The following MKNK1 variants were observed in gnomAD, a reference collection of about 807,000 sequenced individuals.
MKNK1 encodes MAP kinase-interacting serine/threonine-protein kinase 1.
In MKNK1, 30 loss-of-function variants were observed where a neutral mutation model predicts 49.3. The ratio of observed to expected loss-of-function variants is 0.61; its 90% CI spans 0.46 to 0.83. The LOEUF (loss-of-function observed/expected upper bound fraction) is 0.83. Among genes scored for constraint, MKNK1 ranks in the 40% least tolerant of loss-of-function variants. MKNK1 has a pLI of 0.00. For missense variants in MKNK1, 423 were observed against 524.7 expected (o/e 0.81, Z 1.89); for synonymous variants, 176 against 201.7 (o/e 0.87, Z 1.08).
At chr1:46,601,891 C>T (rs1674776588) in intron 1 of MKNK1, among the ~76,000 whole-genome samples, 3 of 152,124 alleles carry the variant, frequency 2.0e-5, no homozygotes, top group Non-Finnish European at 4.4e-5. Context: ...ATGGAGTGTA[C>T]ATATCCCTAG....
At chr1:46,588,197 T>C (rs1482774235) in intron 2 of MKNK1, among the ~76,000 whole-genome samples, 1 of 152,228 alleles carries the variant, frequency 6.6e-6, no homozygotes, top group Non-Finnish European at 1.5e-5. Flanking sequence ...CCATAAGAGT[T>C]TTCTCTATGT....
chr1:46,565,227 G>A lies in MKNK1; in HGVS notation c.514-91C>T, dbSNP rs577928990. 123 of 1,162,318 alleles carry A rather than the reference G, an allele frequency of 1.1e-4. 1 individual carries two copies. In the East Asian group the frequency reaches 2.7e-3, roughly 26 times the overall value. The allele number at this position is 1,162,318 out of a possible 1,614,324, so 72.0% of individuals were successfully genotyped here. ...TGGCTGTACGGGTGCATGGCTCCGT[G>A]GCTGTCACACCGCAGCTGGTTTTGT... is the stretch of plus-strand genomic sequence containing the variant. On this transcript the variant is annotated intron_variant, in intron 8 of 12. Transcript: ENST00000371945.
chr1:46,560,957 T>C (rs1557821067), intron 11 of MKNK1, among the ~76,000 whole-genome samples: 1 of 152,144 alleles, frequency 6.6e-6, no homozygotes, highest in Non-Finnish European at 1.5e-5. Context: ...GTATTGTGAG[T>C]AGCCAAGGAG....
chr1:46,603,684 T>A (rs901879215), intron 1 of MKNK1, among the ~76,000 whole-genome samples: 2 of 152,220 alleles, frequency 1.3e-5, no homozygotes, highest in Non-Finnish European at 1.5e-5. Flanking sequence ...GCCTCTGATC[T>A]GCCACTGTCA....
intron 3 of MKNK1, chr1:46,582,903 T>C (rs1671954700): frequency 1.9e-6 from 1 of 519,318 alleles, no homozygotes; most frequent in Non-Finnish European, 3.7e-6. Context: ...CCTCCAGGAA[T>C]AGCTGAGGGA....
chr1:46,579,606 C>A (rs1671459663), intron 4 of MKNK1, among the ~76,000 whole-genome samples: 1 of 152,146 alleles, frequency 6.6e-6, no homozygotes, highest in African/African-American at 2.4e-5. Flanking sequence ...ATTGCTGGGC[C>A]CACCCCTGTT....
chr1:46,564,623 C>T (rs2476166), intron 9 of MKNK1, among the ~76,000 whole-genome samples: 22,159 of 151,480 alleles, frequency 0.15, 4,456 homozygotes, highest in African/African-American at 0.46. Context: ...ATTACAGGTG[C>T]GCGCCACCAT....
chr1:46,588,219 T>C (rs1672854204), intron 2 of MKNK1, among the ~76,000 whole-genome samples: 1 of 152,182 alleles, frequency 6.6e-6, no homozygotes, highest in South Asian at 2.1e-4. Context: ...ATGGGGTGAT[T>C]TTTATTTTCT....
In MKNK1 at chr1:46,562,778, G is replaced by A. The variant is rs55739233; in HGVS notation, c.675C>T (p.Tyr225=). Residue 225 remains tyrosine, a synonymous_variant, in exon 10 of 13, where the codon TAC becomes TAT. Coordinates refer to ENST00000371945, the MANE Select transcript of MKNK1 (RefSeq NM_001135553.4). ...GGCTCCACAGGTCACAGCGCTTGTC[G>A]TAGAATGTGGCCTGGTCCGTGAAGA... ...VEVFTDQATF[Y]DKRCDLWSLG... is the part of the protein sequence containing the mutation. 1.5e-3 allele frequency: 2,488 copies of A among 1,612,116 alleles called. 3 individuals carry two copies. The highest frequency in any genetic ancestry group is 1.9e-3 in the Non-Finnish European group (2,298 of 1,179,096).
intron 8 of MKNK1, 124 bp downstream of exon 8, chr1:46,568,319 G>T: frequency 1.2e-6 from 1 of 840,990 alleles, no homozygotes; most frequent in Non-Finnish European, 2.0e-6. Flanking sequence ...ATTCTCACAT[G>T]TCCAAGACGA....
rs2148733082 is a variant in MKNK1, at chr1:46,589,062, C to T, written c.-3+5051G>A. ...GAAGTGAAAGCACCACTGACTTACT[C>T]TTCAATAATGCTATATTTATTGGGC... On this transcript the variant is annotated intron_variant, in intron 2 of 12. Transcript: ENST00000371945. The surrounding 1 kb of genome is among the most constrained non-coding windows in gnomAD (Gnocchi z 4.3). Among the ~76,000 whole-genome samples, 1 of 152,352 alleles carries T rather than the reference C, an allele frequency of 6.6e-6. No homozygotes were observed. The highest frequency in any genetic ancestry group is 2.1e-4 in the South Asian group (1 of 4,830).
Position 46,568,250 on chromosome 1 carries a change from G to A in MKNK1, c.513+193C>T, listed in dbSNP as rs866045838. 30 of 594,592 alleles carry A rather than the reference G, an allele frequency of 5.0e-5. No homozygotes were observed. In the Middle Eastern group the frequency reaches 5.7e-3, roughly 114 times the overall value. 36.8% of individuals were successfully genotyped at this position (594,592 alleles called of 1,614,324 possible). ...CTCTCAGGCTTACATCAATCACACT[G>A]ATGATCAAGAGCGAAGAAAGGACGA... is the stretch of plus-strand genomic sequence containing the variant. On this transcript the variant is annotated intron_variant, in intron 8 of 12. Transcript: ENST00000371945.
At chr1:46,565,224 C>T (rs764947839) in intron 8 of MKNK1, 88 bp from the exon 9 acceptor site, 24 of 1,212,344 alleles carry the variant, frequency 2.0e-5, no homozygotes, top group Middle Eastern at 1.9e-4. Flanking sequence ...TGCATGGCTC[C>T]GTGGCTGTCA....
At chr1:46,559,654 A>AT (rs952362803) in intron 12 of MKNK1, 88 of 155,940 alleles carry the variant, frequency 5.6e-4, no homozygotes, top group Non-Finnish European at 1.2e-3. Flanking sequence ...AGGACTTACT[A>AT]TTTTTTTTGA....
intron 2 of MKNK1, chr1:46,585,982 G>A (rs1233440246): frequency 7.7e-7 from 1 of 1,304,448 alleles, no homozygotes; most frequent in Admixed American, 2.0e-5. Flanking sequence ...AAACTAGGAA[G>A]GAAAAAATGT....
chr1:46,579,949 C>T (rs865817326), intron 4 of MKNK1, among the ~76,000 whole-genome samples: 36 of 152,072 alleles, frequency 2.4e-4, no homozygotes, highest in African/African-American at 8.0e-4. Context: ...GTTTTTAATC[C>T]TCACTATCAT....
intron 8 of MKNK1, among the ~76,000 whole-genome samples, chr1:46,566,450 C>T (rs764715616): frequency 6.6e-6 from 1 of 152,182 alleles, no homozygotes; most frequent in Non-Finnish European, 1.5e-5. Context: ...GTGAACAATG[C>T]TGTAATGAAT....
intron 10 of MKNK1, 71 bp from the exon 11 acceptor site, chr1:46,561,713 T>C: frequency 2.6e-6 from 4 of 1,533,216 alleles, no homozygotes; most frequent in Non-Finnish European, 3.6e-6. Flanking sequence ...ATTGTTTTGA[T>C]CAACCGGCTT....
intron 1 of MKNK1, 105 bp downstream of exon 1, chr1:46,604,080 G>C (rs1239085655): frequency 6.6e-6 from 1 of 152,290 alleles, no homozygotes; most frequent in Non-Finnish European, 1.5e-5. Context: ...TCGTGACCTC[G>C]GGCAGCCGTG....
Sources: gnomAD v4.1 joint callset for allele counts (sites outside exome capture counted in the v4.1 genomes callset) on GRCh38, gnomAD v4.1.1 for gene constraint, Gnocchi (gnomAD v3.1) non-coding constraint, MANE v1.5 for transcripts, NCBI Gene and HGNC (gene_info 2026-07-23, HGNC 2026-07-21) for gene names.